Variants in SUGCT observed in about 807,000 individuals in gnomAD.
SUGCT encodes the protein succinyl-CoA:glutarate CoA-transferase.
A neutral mutation model predicts 55.0 loss-of-function variants in SUGCT; 41 were observed. The observed-to-expected ratio is 0.74, with a 90% CI of 0.58 to 0.97. The LOEUF is 0.97. SUGCT is among the 50% of genes least tolerant of loss of function. SUGCT has a pLI of 0.00. For missense variants in SUGCT, 568 were observed against 547.8 expected (o/e 1.04, Z -0.37); for synonymous variants, 187 against 200.4 (o/e 0.93, Z 0.56).
At chr7:40,468,712 A>C (rs1427833525) in intron 11 of SUGCT, among the ~76,000 whole-genome samples, 1 of 152,068 alleles carries the variant, frequency 6.6e-6, no homozygotes, top group East Asian at 1.9e-4. Flanking sequence ...TTTTACCATT[A>C]AAGATTTTGT....
the SUGCT span, among the ~76,000 whole-genome samples, chr7:41,030,329 T>C: frequency 6.6e-6 from 1 of 152,126 alleles, no homozygotes; most frequent in South Asian, 2.1e-4. Flanking sequence ...TGGAGTTTCA[T>C]TTGGAAGCCT....
At chr7:40,898,324 G>GT in the SUGCT span, among the ~76,000 whole-genome samples, 3 of 152,124 alleles carry the variant, frequency 2.0e-5, no homozygotes, top group African/African-American at 7.2e-5. Context: ...TTTAAGAGCC[G>GT]TAAGACTCAC....
At chr7:40,852,201 C>G (rs556557211) in intron 13 of SUGCT, among the ~76,000 whole-genome samples, 5 of 152,172 alleles carry the variant, frequency 3.3e-5, no homozygotes. Context: ...GTAAATGAAC[C>G]CAGAAACTCA....
At position 40,458,963 on chromosome 7, in the gene SUGCT, A is replaced by G. The variant is rs1186963295; in HGVS notation, c.889-138A>G. 1.3e-5 allele frequency: 8 copies of G among 606,172 alleles called. No homozygotes were observed. The Admixed American group carries it at 2.1e-4, about 16-fold the overall frequency. The allele number at this position is 606,172 out of a possible 1,614,324, so 37.5% of individuals were successfully genotyped here. A position where few individuals can be genotyped will look rare whatever the true frequency, so the allele number is the denominator to read the frequency against. ...TCCTAATCGTGTGCTTGTTCCCTCCATATGTCCTTGTTGAGGGGCATAAAG... is the reference window on the plus strand; with the variant it reads ...TCCTAATCGTGTGCTTGTTCCCTCCGTATGTCCTTGTTGAGGGGCATAAAG... On this transcript the variant is annotated intron_variant, in intron 10 of 13. Transcript: ENST00000335693.
At chr7:40,227,731 C>A (rs1788463764) in intron 6 of SUGCT, among the ~76,000 whole-genome samples, 1 of 151,844 alleles carries the variant, frequency 6.6e-6, no homozygotes, top group South Asian at 2.1e-4. Flanking sequence ...GGAAAGGACT[C>A]TTTTTTTAAC....
the SUGCT span, among the ~76,000 whole-genome samples, chr7:40,942,927 AT>A: frequency 6.6e-6 from 1 of 152,026 alleles, no homozygotes; most frequent in South Asian, 2.1e-4. Context: ...TTTTTAAAAA[AT>A]ATCTGTCTCT....
chr7:40,221,052 T>C (rs764288779), intron 6 of SUGCT, among the ~76,000 whole-genome samples: 25 of 152,214 alleles, frequency 1.6e-4, no homozygotes, highest in Non-Finnish European at 3.2e-4. Context: ...TAATTTGTCA[T>C]GCACTTAGCA....
At chr7:40,851,353 T>C (rs1793842961) in intron 13 of SUGCT, among the ~76,000 whole-genome samples, 1 of 152,214 alleles carries the variant, frequency 6.6e-6, no homozygotes, top group African/African-American at 2.4e-5. Context: ...GTTGTGAGGA[T>C]CAAATTAGAT....
At chr7:40,808,752 G>GA (rs1408830552) in intron 13 of SUGCT, among the ~76,000 whole-genome samples, 41 of 152,316 alleles carry the variant, frequency 2.7e-4, no homozygotes, top group Admixed American at 2.5e-3. Flanking sequence ...TCCCATGAAT[G>GA]TAATTGTTGT....
At chr7:40,993,817 C>A in the SUGCT span, among the ~76,000 whole-genome samples, 1 of 152,200 alleles carries the variant, frequency 6.6e-6, no homozygotes, top group African/African-American at 2.4e-5. Flanking sequence ...TGAGACTCAA[C>A]TTTTTAACCT....
intron 12 of SUGCT, among the ~76,000 whole-genome samples, chr7:40,511,921 C>G (rs1208228583): frequency 6.6e-6 from 1 of 151,764 alleles, no homozygotes; most frequent in Non-Finnish European, 1.5e-5. Context: ...TTTTTGATGC[C>G]TGAGGACCAC....
chr7:40,478,350 A>G (rs1050287735), intron 11 of SUGCT, among the ~76,000 whole-genome samples: 5 of 152,098 alleles, frequency 3.3e-5, no homozygotes, highest in Admixed American at 1.3e-4. Flanking sequence ...AGGCACAAAA[A>G]TAAGGCTTTA....
At chr7:40,356,742 T>G (rs900543129) in intron 9 of SUGCT, among the ~76,000 whole-genome samples, 3 of 152,180 alleles carry the variant, frequency 2.0e-5, no homozygotes, top group African/African-American at 7.2e-5. Flanking sequence ...CTTAGTTTCT[T>G]TGAAAATACT....
intron 13 of SUGCT, among the ~76,000 whole-genome samples, chr7:40,814,044 A>G (rs940939515): frequency 6.6e-6 from 1 of 152,170 alleles, no homozygotes; most frequent in Non-Finnish European, 1.5e-5. Context: ...ATAGGCCCCC[A>G]ATCTCTCCTG....
At chr7:40,605,011 G>A (rs1004891495) in intron 12 of SUGCT, among the ~76,000 whole-genome samples, 11 of 152,188 alleles carry the variant, frequency 7.2e-5, no homozygotes, top group African/African-American at 2.7e-4. Context: ...ACGGTATTGG[G>A]GGCTGTGTGC....
At chr7:40,699,793 C>T (rs891480215) in intron 12 of SUGCT, among the ~76,000 whole-genome samples, 4 of 152,074 alleles carry the variant, frequency 2.6e-5, no homozygotes, top group East Asian at 1.9e-4. Flanking sequence ...TGCTTGAACC[C>T]GGGAGGTGGA....
At chr7:40,270,024 T>C (rs1791898941) in intron 7 of SUGCT, among the ~76,000 whole-genome samples, 5 of 150,104 alleles carry the variant, frequency 3.3e-5, no homozygotes, top group Admixed American at 2.7e-4. Flanking sequence ...TGGTCCCAGC[T>C]ACACGGGAGG....
chr7:40,454,865 T>G (rs1212711919), intron 10 of SUGCT, among the ~76,000 whole-genome samples: 1 of 152,116 alleles, frequency 6.6e-6, no homozygotes, highest in African/African-American at 2.4e-5. Flanking sequence ...TTTCCAGGAA[T>G]TTTTCATTTA....
At chr7:40,834,286 A>G (rs944031763) in intron 13 of SUGCT, among the ~76,000 whole-genome samples, 3 of 152,142 alleles carry the variant, frequency 2.0e-5, no homozygotes, top group Admixed American at 6.5e-5. Context: ...AGAGTTTCCC[A>G]AAGACATACG....
Sources: allele counts gnomAD v4.1 joint callset (sites outside exome capture counted in the v4.1 genomes callset), GRCh38; gene constraint gnomAD v4.1.1; transcripts MANE v1.5; gene names NCBI Gene and HGNC (gene_info 2026-07-23, HGNC 2026-07-21).